KHDC1: variants seen among roughly 807,000 people sequenced by gnomAD.
The protein encoded by KHDC1 is KH homology domain-containing protein 1.
A neutral mutation model predicts 24.7 loss-of-function variants in KHDC1; 21 were observed. That is an observed-to-expected ratio of 0.85 (90% confidence interval 0.60 to 1.23). The LOEUF is 1.23. Ranked by LOEUF, KHDC1 falls within the 50% of genes most tolerant of loss-of-function variation. The pLI is 0.00. For missense variants in KHDC1, 274 were observed against 298.5 expected (o/e 0.92, Z 0.61); for synonymous variants, 98 against 111.7 (o/e 0.88, Z 0.77).
intron 1 of KHDC1, among the ~76,000 whole-genome samples, chr6:73,302,111 A>AC (rs1767887704): frequency 6.6e-6 from 1 of 151,784 alleles, no homozygotes; most frequent in South Asian, 2.1e-4. Context: ...AACTGGTGAA[A>AC]CCCCACCTCT....
At chr6:73,261,302 G>A (rs1483937129) in intron 2 of KHDC1, among the ~76,000 whole-genome samples, 2 of 151,976 alleles carry the variant, frequency 1.3e-5, no homozygotes, top group African/African-American at 4.8e-5. Context: ...AATTAGCTGG[G>A]CATGGTGGCG....
At chr6:73,258,869 G>A (rs944425443) in intron 2 of KHDC1, among the ~76,000 whole-genome samples, 1 of 152,214 alleles carries the variant, frequency 6.6e-6, no homozygotes, top group East Asian at 1.9e-4. Context: ...AGACACAGGT[G>A]AGCTGCTCAT....
At chr6:73,281,914 C>CAT (rs1376892787) in intron 2 of KHDC1, among the ~76,000 whole-genome samples, 2 of 151,998 alleles carry the variant, frequency 1.3e-5, no homozygotes, top group Non-Finnish European at 2.9e-5. Flanking sequence ...ACTGGTCAAG[C>CAT]ATATTTTAAG....
chr6:73,245,144 C>T (rs1020128117), intron 2 of KHDC1, among the ~76,000 whole-genome samples: 1 of 151,932 alleles, frequency 6.6e-6, no homozygotes, highest in Non-Finnish European at 1.5e-5. Context: ...GCAAAGATAC[C>T]AGAACATGTA....
intron 2 of KHDC1, among the ~76,000 whole-genome samples, chr6:73,262,116 G>T (rs1766992310): frequency 6.6e-6 from 1 of 151,706 alleles, no homozygotes; most frequent in Admixed American, 6.6e-5. Flanking sequence ...CCAAATTGAT[G>T]TGCTCAAGCA....
At chr6:73,285,304 T>C (rs1279819949) in intron 2 of KHDC1, among the ~76,000 whole-genome samples, 2 of 152,062 alleles carry the variant, frequency 1.3e-5, no homozygotes, top group South Asian at 4.1e-4. Context: ...ATTTGGCCTC[T>C]ATGCCTTATT....
At chr6:73,266,082 G>A (rs181228037) in intron 2 of KHDC1, among the ~76,000 whole-genome samples, 6 of 152,264 alleles carry the variant, frequency 3.9e-5, no homozygotes, top group African/African-American at 1.4e-4. Context: ...TTATCTTTGG[G>A]TGTTGAGTGC....
At chr6:73,241,913 G>A in intron 4 of KHDC1, 142 bp downstream of exon 3, 1 of 1,083,470 alleles carries the variant, frequency 9.2e-7, no homozygotes, top group Non-Finnish European at 1.3e-6. Flanking sequence ...AAAAAGATGA[G>A]CACTTTTCTT....
chr6:73,293,045 A>G, intron 1 of KHDC1: 1 of 1,016,868 alleles, frequency 9.8e-7, no homozygotes, highest in Non-Finnish European at 1.5e-6. Context: ...TGAAACTGAA[A>G]GGTGGATTGT....
chr6:73,293,741 A>T (rs1388909831), intron 1 of KHDC1, among the ~76,000 whole-genome samples: 2 of 151,394 alleles, frequency 1.3e-5, no homozygotes, highest in African/African-American at 2.4e-5. Flanking sequence ...GCAGTGGCTC[A>T]CACCTGTAAT....
chr6:73,288,864 A>G (rs1235395542), intron 2 of KHDC1, among the ~76,000 whole-genome samples: 1 of 151,824 alleles, frequency 6.6e-6, no homozygotes, highest in Non-Finnish European at 1.5e-5. Context: ...GAGTGTTTAG[A>G]TAATGGAAAA....
chr6:73,253,825 G>A (rs1675416895), intron 2 of KHDC1, among the ~76,000 whole-genome samples: 1 of 152,042 alleles, frequency 6.6e-6, no homozygotes, highest in African/African-American at 2.4e-5. Context: ...GAAGATAACT[G>A]GAGCCCAGGA....
intron 2 of KHDC1, among the ~76,000 whole-genome samples, chr6:73,288,552 C>T (rs186467602): frequency 8.5e-5 from 13 of 152,112 alleles, no homozygotes; most frequent in Non-Finnish European, 1.9e-4. Flanking sequence ...ACCTGGGAGG[C>T]AGAGGTTGCG....
chr6:73,286,711 G>A (rs895201660), intron 2 of KHDC1, among the ~76,000 whole-genome samples: 1 of 152,084 alleles, frequency 6.6e-6, no homozygotes, highest in Non-Finnish European at 1.5e-5. Flanking sequence ...GTGAAACCCT[G>A]TCTCTACTAA....
chr6:73,247,046 C>T lies in KHDC1; in HGVS notation c.207-4516G>A, dbSNP rs540671657. ...AGGCTGGAGTGCAATGGCATGATCTCGGCTCACTGTACCCTCTGCCTCCTG... is the reference window on the plus strand; with the variant it reads ...AGGCTGGAGTGCAATGGCATGATCTTGGCTCACTGTACCCTCTGCCTCCTG... On this transcript the variant is annotated intron_variant, in intron 2 of 4. Transcript: ENST00000370384. Among the ~76,000 whole-genome samples, 255 of 151,710 alleles carry T rather than the reference C, an allele frequency of 1.7e-3. 5 individuals carry two copies. The highest frequency in any genetic ancestry group is 4.4e-4 in the Non-Finnish European group (30 of 67,940).
At chr6:73,266,003 C>A (rs749468380) in intron 2 of KHDC1, among the ~76,000 whole-genome samples, 1 of 152,086 alleles carries the variant, frequency 6.6e-6, no homozygotes, top group Non-Finnish European at 1.5e-5. Context: ...AACACTCACC[C>A]AACCTAAGGG....
intron 2 of KHDC1, chr6:73,262,954 G>C: frequency 1.0e-6 from 1 of 991,882 alleles, no homozygotes; most frequent in Non-Finnish European, 1.2e-6. Flanking sequence ...ACCACAGGGG[G>C]GTCAGGTAGC....
At chr6:73,243,519 C>T (rs897140406) in intron 2 of KHDC1, among the ~76,000 whole-genome samples, 5 of 152,236 alleles carry the variant, frequency 3.3e-5, no homozygotes, top group East Asian at 1.9e-4. Flanking sequence ...TTGCAAAATA[C>T]ACACAGTGAA....
chr6:73,276,805 T>C (rs1222627472), intron 2 of KHDC1, among the ~76,000 whole-genome samples: 8 of 152,248 alleles, frequency 5.3e-5, no homozygotes, highest in African/African-American at 1.9e-4. Flanking sequence ...TTTTCTGTAC[T>C]CTATATTCAC....
Sources: gnomAD v4.1 joint callset for allele counts (sites outside exome capture counted in the v4.1 genomes callset) on GRCh38, gnomAD v4.1.1 for gene constraint, MANE v1.5 for transcripts, NCBI Gene and HGNC (gene_info 2026-07-23, HGNC 2026-07-21) for gene names.